The following TRIM2 variants were observed in gnomAD, a reference collection of about 807,000 sequenced individuals.
The protein encoded by TRIM2 is tripartite motif containing 2, also known as tripartite motif-containing protein 2.
A neutral mutation model predicts 75.2 loss-of-function variants in TRIM2; 20 were observed. The observed-to-expected ratio is 0.27, with a 90% CI of 0.19 to 0.39. The LOEUF is 0.39. TRIM2 is among the 10% of genes least tolerant of loss of function. The pLI, the probability that TRIM2 is intolerant of heterozygous loss-of-function variation, is 1.00. For missense variants in TRIM2, 660 were observed against 990.8 expected, an observed-to-expected ratio of 0.67 and a Z score of 4.48; for synonymous variants, 373 against 388.3, an observed-to-expected ratio of 0.96 and a Z score of 0.46.
Position 153,334,825 on chromosome 4 carries a change from G to C in TRIM2, c.2175G>C (p.Gly725=). ...CTATTTGTTTACAGGTTTTTGATGG[G>C]AGTGGATCATTTTTGTCCTACATTA... ...WGNSRIQVFD[G]SGSFLSYINT... is the part of the protein sequence containing the mutation. The change falls in exon 12 of 12, where the codon GGG becomes GGC. Residue 725 remains glycine, a synonymous_variant. Coordinates refer to ENST00000338700, the MANE Select transcript of TRIM2 (RefSeq NM_015271.5). 1 of 1,611,698 alleles carries C rather than the reference G, an allele frequency of 6.2e-7. No homozygotes were observed. The highest frequency in any genetic ancestry group is 1.3e-5 in the African/African-American group (1 of 74,982).
In TRIM2 at chr4:153,295,220, G is replaced by T. The variant is rs1447059175; in HGVS notation, c.787-93G>T. The stretch of plus-strand genomic sequence containing the variant: ...TGCTCAGAGCCACCTGCGTGGGCAG[G>T]TGTAGAGTCTCCTTCTCGCCGGTGG... On this transcript the variant is annotated intron_variant, in intron 5 of 11. Coordinates refer to ENST00000338700, the MANE Select transcript of TRIM2 (RefSeq NM_015271.5). This position sits in a 1 kb window ranked among gnomAD's most constrained non-coding sequence, Gnocchi z 7.2. 2 of 1,445,402 alleles carry T rather than the reference G, an allele frequency of 1.4e-6. No individual in the cohort carries two copies. The highest frequency in any genetic ancestry group is 2.5e-5 in the East Asian group (1 of 40,158). 89.5% of individuals were successfully genotyped at this position (1,445,402 alleles called of 1,614,324 possible). A position where few individuals can be genotyped will look rare whatever the true frequency, so the allele number is the denominator to read the frequency against.
chr4:153,244,144 G>GTTCTTCTTCTTCTTC lies in TRIM2; in HGVS notation c.31-26183_31-26182insCTTCTTCTTCTTCTT, dbSNP rs766874717. On this transcript the variant is annotated intron_variant, in intron 1 of 11. Coordinates refer to ENST00000338700, the MANE Select transcript of TRIM2 (RefSeq NM_015271.5). Reference sequence around the variant, plus strand: ...CCATCTTCTTCTTCTTCTTCTTCTTGTTCTTCTTGTTCTTCTTCTTCTTCT... The same window carrying GTTCTTCTTCTTCTTC: ...CCATCTTCTTCTTCTTCTTCTTCTTGTTCTTCTTCTTCTTCTTCTTCTTGTTCTTCTTCTTCTTCT... 3.2e-3 allele frequency among the ~76,000 whole-genome samples: 414 copies of GTTCTTCTTCTTCTTC among 130,180 alleles called. 13 individuals carry two copies. The highest frequency in any genetic ancestry group is 0.014 in the Middle Eastern group (3 of 218). The allele number at this position is 130,180 out of a possible 152,430, so 85.4% of individuals were successfully genotyped here. A position where few individuals can be genotyped will look rare whatever the true frequency, so the allele number is the denominator to read the frequency against.
chr4:153,218,117 T>A (rs1738981391), intron 1 of TRIM2, among the ~76,000 whole-genome samples: 1 of 152,240 alleles, frequency 6.6e-6, no homozygotes, highest in Non-Finnish European at 1.5e-5. Context: ...AAATAGAGAC[T>A]ATAAATGGTA....
chr4:153,201,426 T>C (rs549346872), upstream of TRIM2, among the ~76,000 whole-genome samples: 3 of 152,324 alleles, frequency 2.0e-5, no homozygotes, highest in South Asian at 6.2e-4. Flanking sequence ...TGCAGGAGTT[T>C]TAAAAATATA....
At position 153,334,212 on chromosome 4, in the gene TRIM2, A is replaced by G. The variant is rs185484156; in HGVS notation, c.2164-602A>G. Among the ~76,000 whole-genome samples the G allele has an allele frequency of 7.2e-4, 109 of 152,212 alleles. 1 individual carries two copies. In the Middle Eastern group the frequency reaches 0.01, roughly 14 times the overall value. Reference sequence around the variant, plus strand: ...TATTTGTTGTGACCACTATAGGAATACAAGTGAAAGCTAGCAGCCAATGGC... The same window carrying G: ...TATTTGTTGTGACCACTATAGGAATGCAAGTGAAAGCTAGCAGCCAATGGC... On this transcript the variant is annotated intron_variant, in intron 11 of 11. Coordinates refer to ENST00000338700, the MANE Select transcript of TRIM2 (RefSeq NM_015271.5).
rs1046560538 is a variant in TRIM2, at chr4:153,161,921, A to T, written c.-49+8651A>T. On this transcript the variant is annotated intron_variant, in intron 1 of 11. Transcript: ENST00000437508. Reference sequence around the variant, plus strand: ...AACTTCCATCCACTAGAAAAAAATGAGTGCTTAAGCAAATATGGCCAGACT... The same window carrying T: ...AACTTCCATCCACTAGAAAAAAATGTGTGCTTAAGCAAATATGGCCAGACT... 3.9e-5 allele frequency among the ~76,000 whole-genome samples: 6 copies of T among 152,360 alleles called. No individual in the cohort carries two copies. The East Asian group carries it at 1.2e-3, about 29-fold the overall frequency.
chr4:153,154,364 GGGCTTACCAGA>G (rs1220059481), intron 1 of TRIM2, among the ~76,000 whole-genome samples: 4 of 152,176 alleles, frequency 2.6e-5, no homozygotes, highest in Non-Finnish European at 1.5e-5. Flanking sequence ...TTCCCCAGAG[GGGCTTACCAGA>G]GCCAGGACCC....
At chr4:153,188,907 CA>C (rs1340987138) in intron 1 of TRIM2, among the ~76,000 whole-genome samples, 1 of 152,074 alleles carries the variant, frequency 6.6e-6, no homozygotes, top group Non-Finnish European at 1.5e-5. Flanking sequence ...CCAGAAAATC[CA>C]AAGTCTTTCA....
intron 1 of TRIM2, among the ~76,000 whole-genome samples, chr4:153,210,719 C>T (rs1458524768): frequency 1.3e-5 from 2 of 152,296 alleles, no homozygotes; most frequent in South Asian, 4.1e-4. Flanking sequence ...TTTAAATACA[C>T]TTCAGTGAGG....
At chr4:153,152,660 G>A (rs1448270456), upstream of TRIM2, 1 of 151,980 alleles carries the variant, frequency 6.6e-6, no homozygotes, top group Non-Finnish European at 1.5e-5. Context: ...GAGTGTTGGT[G>A]CGCGCGACTG....
intron 1 of TRIM2, among the ~76,000 whole-genome samples, chr4:153,206,165 G>A (rs1735381114): frequency 6.6e-6 from 1 of 152,216 alleles, no homozygotes; most frequent in Admixed American, 6.5e-5. Flanking sequence ...GACACTAACT[G>A]CAGTGAGTGC....
At position 153,294,216 on chromosome 4, in the gene TRIM2, A is replaced by AT. The variant is rs1560963371; in HGVS notation, c.606-82dup. ...TTTTAAAGATGATGAAAGGCATAGA[A>AT]TTTTTTTAAACAAAATGTAGTGTTT... On this transcript the variant is annotated intron_variant, in intron 4 of 11. Coordinates refer to ENST00000338700, the MANE Select transcript of TRIM2 (RefSeq NM_015271.5). 5 of 1,386,866 alleles carry AT rather than the reference A, an allele frequency of 3.6e-6. No individual in the cohort carries two copies. The South Asian group carries it at 4.3e-5, about 12-fold the overall frequency. 85.9% of individuals were successfully genotyped at this position (1,386,866 alleles called of 1,614,324 possible).
chr4:153,337,864 A>G lies in TRIM2; in HGVS notation c.*2898A>G, dbSNP rs1474507788. The G allele has an allele frequency of 1.0e-6, 1 of 985,678 alleles. No homozygotes were observed. Among genetic ancestry groups the G allele is most frequent in the Non-Finnish European group, 1.2e-6 (1 of 829,922 alleles). The allele number at this position is 985,678 out of a possible 1,614,324, so 61.1% of individuals were successfully genotyped here. A position where few individuals can be genotyped will look rare whatever the true frequency, so the allele number is the denominator to read the frequency against. On this transcript the variant is annotated 3_prime_UTR_variant, in exon 12 of 12. Coordinates refer to ENST00000338700, the MANE Select transcript of TRIM2 (RefSeq NM_015271.5). ...GCAAAATATTGCCGGTTGGGATTTC[A>G]AGGTCAGTGACGACGCATTTCCTCC...
chr4:153,152,172 C>T (rs910420202), upstream of TRIM2, among the ~76,000 whole-genome samples: 7 of 152,234 alleles, frequency 4.6e-5, no homozygotes, highest in South Asian at 1.2e-3. Flanking sequence ...CATTCATGGA[C>T]ATTCTTCTTA....
In TRIM2 at chr4:153,329,315, C is replaced by G. The variant is rs146548230; in HGVS notation, c.2163+645C>G. Reference sequence around the variant, plus strand: ...CTATTGTGCTAAATGACCCTTGAGTCAAAGAGGGAGTCTCAAGGAAAATTG... The same window carrying G: ...CTATTGTGCTAAATGACCCTTGAGTGAAAGAGGGAGTCTCAAGGAAAATTG... On this transcript the variant is annotated intron_variant, in intron 11 of 11. Coordinates refer to ENST00000338700, the MANE Select transcript of TRIM2 (RefSeq NM_015271.5). 3.2e-3 allele frequency among the ~76,000 whole-genome samples: 492 copies of G among 151,566 alleles called. 5 individuals are homozygous for G. The highest frequency in any genetic ancestry group is 3.3e-3 in the Non-Finnish European group (221 of 67,928).
chr4:153,256,140 A>T (rs536330544), intron 1 of TRIM2, among the ~76,000 whole-genome samples: 5 of 152,346 alleles, frequency 3.3e-5, no homozygotes, highest in Admixed American at 2.6e-4. Flanking sequence ...ATGAAGCTTT[A>T]AAAAAATCCA....
chr4:153,252,358 C>T (rs962272386), intron 1 of TRIM2, among the ~76,000 whole-genome samples: 8 of 152,222 alleles, frequency 5.3e-5, no homozygotes, highest in Non-Finnish European at 1.0e-4. Context: ...GTGCCAGCCA[C>T]AAGACCTGGA....
At chr4:153,260,832 C>T (rs759185553) in intron 1 of TRIM2, among the ~76,000 whole-genome samples, 5 of 151,852 alleles carry the variant, frequency 3.3e-5, no homozygotes, top group Admixed American at 6.6e-5. Context: ...CTTGATTTAA[C>T]TGGAAATGGG....
chr4:153,307,789 C>T, intron 6 of TRIM2: 2 of 712,910 alleles, frequency 2.8e-6, no homozygotes, highest in South Asian at 1.4e-5. Context: ...ACAGGTACAG[C>T]ACCCTTAGTG....
Sources: gnomAD v4.1 joint callset for allele counts (sites outside exome capture counted in the v4.1 genomes callset) on GRCh38, gnomAD v4.1.1 for gene constraint, Gnocchi (gnomAD v3.1) non-coding constraint, MANE v1.5 for transcripts, NCBI Gene and HGNC (gene_info 2026-07-23, HGNC 2026-07-21) for gene names.